TANC2: variants seen among roughly 807,000 people sequenced by gnomAD.
TANC2 encodes the protein protein TANC2.
TANC2 carries 26 observed loss-of-function variants against 210.5 expected under a neutral mutation model. The ratio of observed to expected loss-of-function variants is 0.12; its 90% CI spans 0.09 to 0.17. The LOEUF is 0.17. Ranked by LOEUF, TANC2 falls within the 10% of genes least tolerant of loss-of-function variation. The pLI, the probability that TANC2 is intolerant of heterozygous loss-of-function variation, is 1.00. For missense variants in TANC2, 2,129 were observed against 2,608.9 expected (o/e 0.82, Z 4.01); for synonymous variants, 931 against 967.1 (o/e 0.96, Z 0.69).
intron 21 of TANC2, among the ~76,000 whole-genome samples, chr17:63,410,345 C>CG (rs201184483): frequency 0.068 from 10,032 of 146,650 alleles, 1,076 homozygotes; most frequent in African/African-American, 0.23. Flanking sequence ...AATCCCCCCC[C>CG]CCCATCTCCT....
intron 3 of TANC2, among the ~76,000 whole-genome samples, chr17:63,096,831 C>T (rs1483506465): frequency 1.3e-5 from 2 of 152,160 alleles, no homozygotes; most frequent in African/African-American, 4.8e-5. Flanking sequence ...CACCGTCTTA[C>T]ATTTCCACCA....
At chr17:63,007,988 GTTTT>G (rs56950914) in intron 1 of TANC2, among the ~76,000 whole-genome samples, 1 of 118,306 alleles carries the variant, frequency 8.5e-6, no homozygotes, top group Non-Finnish European at 1.8e-5. Context: ...ATTGGCGCCA[GTTTT>G]TTTTTTTTTT....
chr17:63,393,060 C>A (rs2048031683), intron 17 of TANC2, among the ~76,000 whole-genome samples: 1 of 152,222 alleles, frequency 6.6e-6, no homozygotes, highest in African/African-American at 2.4e-5. Flanking sequence ...AGGTCAGGAT[C>A]TCACATTACA....
intron 3 of TANC2, among the ~76,000 whole-genome samples, chr17:63,078,100 A>G (rs1173111172): frequency 2.6e-5 from 4 of 152,094 alleles, no homozygotes; most frequent in Non-Finnish European, 4.4e-5. Flanking sequence ...ATATTATTTC[A>G]TCCTTAACTG....
intron 5 of TANC2, among the ~76,000 whole-genome samples, chr17:63,161,088 T>C (rs1007331254): frequency 2.6e-5 from 4 of 152,224 alleles, no homozygotes; most frequent in African/African-American, 9.7e-5. Context: ...AAAGTGCAGT[T>C]GAAGCCTCAT....
Position 63,252,809 on chromosome 17 carries a change from G to A in TANC2, c.1033+14732G>A, listed in dbSNP as rs150960292. On this transcript the variant is annotated intron_variant, in intron 8 of 27. Coordinates refer to ENST00000689528, the Ensembl canonical transcript of TANC2. ...AGTCGTCTGTTTTTTGTTTTGTTGTGTTTTGGTTTTTTTGGAAGGAGTCTC... is the reference window on the plus strand; with the variant it reads ...AGTCGTCTGTTTTTTGTTTTGTTGTATTTTGGTTTTTTTGGAAGGAGTCTC... Among the ~76,000 whole-genome samples the A allele has an allele frequency of 2.4e-3, 360 of 151,944 alleles. 2 individuals carry two copies. Among genetic ancestry groups the A allele is most frequent in the African/African-American group, 8.5e-3 (354 of 41,460 alleles).
intron 4 of TANC2, among the ~76,000 whole-genome samples, chr17:63,139,559 T>C (rs879526869): frequency 2.6e-5 from 4 of 152,148 alleles, no homozygotes; most frequent in Non-Finnish European, 4.4e-5. Flanking sequence ...TGAGCCAAAA[T>C]CATACCACTG....
chr17:63,236,172 C>A (rs2042614318), intron 7 of TANC2, among the ~76,000 whole-genome samples: 3 of 152,058 alleles, frequency 2.0e-5, no homozygotes, highest in South Asian at 4.1e-4. Flanking sequence ...ATATAGAGAT[C>A]TTTTAGGGAC....
chr17:63,344,416 C>T (rs918039735), intron 12 of TANC2, among the ~76,000 whole-genome samples: 1 of 152,070 alleles, frequency 6.6e-6, no homozygotes, highest in Admixed American at 6.5e-5. Flanking sequence ...CTTTTTTCCC[C>T]TAAGGTCAAG....
Position 63,186,761 on chromosome 17 carries a change from C to T in TANC2, c.434-7230C>T, listed in dbSNP as rs533116277. 8.8e-4 allele frequency among the ~76,000 whole-genome samples: 134 copies of T among 152,260 alleles called. 1 individual carries two copies. The highest frequency in any genetic ancestry group is 3.1e-3 in the African/African-American group (129 of 41,550). Reference sequence around the variant, plus strand: ...TATTCCTCAACCAGATTTCTGGGAGCGTAGCCTAATGCGTAAACACACTGC... The same window carrying T: ...TATTCCTCAACCAGATTTCTGGGAGTGTAGCCTAATGCGTAAACACACTGC... On this transcript the variant is annotated intron_variant, in intron 5 of 27. Coordinates refer to ENST00000689528, the Ensembl canonical transcript of TANC2.
At chr17:63,093,491 C>T (rs1048362987) in intron 3 of TANC2, among the ~76,000 whole-genome samples, 3 of 152,080 alleles carry the variant, frequency 2.0e-5, no homozygotes, top group Non-Finnish European at 4.4e-5. Flanking sequence ...TTTTCTAACA[C>T]CATCTAAGCT....
Position 63,135,526 on chromosome 17 carries a change from C to CT in TANC2, c.323-15735dup, listed in dbSNP as rs928309852. 1.2e-3 allele frequency among the ~76,000 whole-genome samples: 187 copies of CT among 150,504 alleles called. 1 individual carries two copies. The highest frequency in any genetic ancestry group is 4.3e-3 in the African/African-American group (175 of 41,138). ...AAGAGAAGTCATCAATCACTTTTAGCTTTTTTTTTGTTGACAGTAATACTT... is the reference window on the plus strand; with the variant it reads ...AAGAGAAGTCATCAATCACTTTTAGCTTTTTTTTTTGTTGACAGTAATACTT... On this transcript the variant is annotated intron_variant, in intron 4 of 27. Coordinates refer to ENST00000689528, the Ensembl canonical transcript of TANC2.
chr17:63,264,575 T>C (rs954733709), intron 8 of TANC2, among the ~76,000 whole-genome samples: 1 of 152,212 alleles, frequency 6.6e-6, no homozygotes, highest in Admixed American at 6.5e-5. Flanking sequence ...AGCTTCATTG[T>C]AATATTAAAC....
intron 11 of TANC2, chr17:63,332,236 G>A (rs1440983333): frequency 5.8e-6 from 2 of 341,924 alleles, no homozygotes; most frequent in Non-Finnish European, 5.7e-6. Flanking sequence ...AACCTTTTAT[G>A]GTACAGTCTC....
Position 63,009,644 on chromosome 17 carries a change from A to G in TANC2, c.67+18A>G, listed in dbSNP as rs772490040. ...GTCAAGTGGTAAGTGACTATGCTAC[A>G]TTTATTGTGCGTGATATTTTACAAA... On this transcript the variant is annotated intron_variant, in intron 2 of 27. Transcript: ENST00000689528. The G allele has an allele frequency of 2.5e-6, 4 of 1,606,962 alleles. No individual in the cohort carries two copies. The highest frequency in any genetic ancestry group is 2.6e-6 in the Non-Finnish European group (3 of 1,174,150).
rs577043894 is a variant in TANC2 at position 63,207,967 on chromosome 17, G to C, written c.769+7010G>C. On this transcript the variant is annotated intron_variant, in intron 7 of 27. Transcript: ENST00000689528. ...TTGTGATATTAATTTGTGTTTTCTT[G>C]ATTACTGATGAGGTTAAACAATCTT... Among the ~76,000 whole-genome samples, 19 of 152,212 alleles carry C rather than the reference G, an allele frequency of 1.2e-4. No homozygotes were observed. The South Asian group carries it at 3.9e-3, about 32-fold the overall frequency.
chr17:62,988,190 C>A (rs1382404221), intron 1 of TANC2, among the ~76,000 whole-genome samples: 3 of 151,892 alleles, frequency 2.0e-5, no homozygotes, highest in Non-Finnish European at 1.5e-5. Flanking sequence ...TGCAGTGGTG[C>A]AATCTCAGCT....
chr17:63,424,828 A>T (rs1240012037), exon 28 of TANC2: 1 of 152,244 alleles, frequency 6.6e-6, no homozygotes, highest in Non-Finnish European at 1.5e-5. Context: ...AGGAAAGGAA[A>T]GACATCAAGC....
At chr17:62,983,503 A>G (rs943570932) in intron 1 of TANC2, among the ~76,000 whole-genome samples, 3 of 151,982 alleles carry the variant, frequency 2.0e-5, no homozygotes, top group Non-Finnish European at 4.4e-5. Flanking sequence ...TTGCAGTACT[A>G]TGTTGAATAA....
Sources: allele counts gnomAD v4.1 joint callset (sites outside exome capture counted in the v4.1 genomes callset), GRCh38; gene constraint gnomAD v4.1.1; transcripts MANE v1.5; gene names NCBI Gene and HGNC (gene_info 2026-07-23, HGNC 2026-07-21).